Variants in NRXN3 observed in about 807,000 individuals in gnomAD.
NRXN3 encodes neurexin III.
A neutral mutation model predicts 137.6 loss-of-function variants in NRXN3; 32 were observed. The observed-to-expected ratio is 0.23, with a 90% CI of 0.18 to 0.31. NRXN3 has a LOEUF of 0.31. Among genes scored for constraint, NRXN3 ranks in the 10% least tolerant of loss-of-function variants. The pLI, the probability that NRXN3 is intolerant of heterozygous loss-of-function variation, is 1.00. For synonymous variants in NRXN3, 798 were observed against 784.5 expected (o/e 1.02, Z -0.29); for missense variants, 1,574 against 2,062.5 (o/e 0.76, Z 4.59).
chr14:79,050,892 T>C (rs1295976949), intron 15 of NRXN3, among the ~76,000 whole-genome samples: 1 of 152,182 alleles, frequency 6.6e-6, no homozygotes, highest in Non-Finnish European at 1.5e-5. Context: ...AAATAAATAA[T>C]ATGATACAAA....
intron 4 of NRXN3, among the ~76,000 whole-genome samples, chr14:78,589,812 A>G (rs550376060): frequency 1.3e-5 from 2 of 152,290 alleles, no homozygotes; most frequent in South Asian, 2.1e-4. Context: ...CAGGGCTGCC[A>G]AGAGCAGGAG....
intron 1 of NRXN3, among the ~76,000 whole-genome samples, chr14:78,224,798 C>T (rs1462179680): frequency 6.4e-5 from 7 of 109,920 alleles, no homozygotes; most frequent in Non-Finnish European, 9.9e-5. Flanking sequence ...CTCGCTCTGT[C>T]GCCCAGGCTG....
intron 8 of NRXN3, among the ~76,000 whole-genome samples, chr14:78,766,008 G>A (rs970132935): frequency 6.6e-6 from 1 of 152,190 alleles, no homozygotes; most frequent in African/African-American, 2.4e-5. Flanking sequence ...AGGAGATGGT[G>A]TTTATGCAGA....
intron 15 of NRXN3, among the ~76,000 whole-genome samples, chr14:79,001,623 T>C (rs867957550): frequency 6.6e-6 from 1 of 152,200 alleles, no homozygotes; most frequent in Non-Finnish European, 1.5e-5. Context: ...TCCCGAGTCT[T>C]CTTTGGTCAG....
At chr14:78,236,538 C>A (rs754246111) in intron 1 of NRXN3, among the ~76,000 whole-genome samples, 4 of 152,188 alleles carry the variant, frequency 2.6e-5, no homozygotes, top group Non-Finnish European at 5.9e-5. Flanking sequence ...TGAACATTCT[C>A]ATGCATATTT....
At chr14:78,527,415 C>T (rs1394311577) in intron 4 of NRXN3, among the ~76,000 whole-genome samples, 2 of 152,126 alleles carry the variant, frequency 1.3e-5, no homozygotes, top group African/African-American at 4.8e-5. Flanking sequence ...TAAGAGCTCA[C>T]TTGCTACACA....
In NRXN3 at chr14:78,778,984, G is replaced by A. The variant is rs79486654; in HGVS notation, c.2045-24636G>A. 3.5e-3 allele frequency among the ~76,000 whole-genome samples: 534 copies of A among 151,768 alleles called. 17 individuals are homozygous for A. In the East Asian group the frequency reaches 0.059, roughly 17 times the overall value. On this transcript the variant is annotated intron_variant, in intron 8 of 20. Coordinates refer to ENST00000335750, the MANE Select transcript of NRXN3 (RefSeq NM_001330195.2). Reference sequence around the variant, plus strand: ...AAAGTCCAAATATGGATGCTCTGTCGTGGTGAGTCCACTTGTTACAAGGAC... The same window carrying A: ...AAAGTCCAAATATGGATGCTCTGTCATGGTGAGTCCACTTGTTACAAGGAC...
At chr14:78,338,488 T>C (rs2153578856) in intron 4 of NRXN3, among the ~76,000 whole-genome samples, 1 of 152,214 alleles carries the variant, frequency 6.6e-6, no homozygotes, top group East Asian at 1.9e-4. Flanking sequence ...CCTGTAGTTG[T>C]CCCATAGCAA....
At chr14:78,777,626 T>G (rs1041089230) in intron 8 of NRXN3, among the ~76,000 whole-genome samples, 1 of 152,164 alleles carries the variant, frequency 6.6e-6, no homozygotes, top group African/African-American at 2.4e-5. Flanking sequence ...GAAATAATAG[T>G]GATGTTTGTC....
Position 78,391,789 on chromosome 14 carries a change from G to A in NRXN3, c.757+93929G>A, listed in dbSNP as rs79481765. Among the ~76,000 whole-genome samples, 819 of 152,288 alleles carry A rather than the reference G, an allele frequency of 5.4e-3. 5 individuals carry two copies. The highest frequency in any genetic ancestry group is 8.9e-3 in the Non-Finnish European group (602 of 68,010). On this transcript the variant is annotated intron_variant, in intron 4 of 20. Coordinates refer to ENST00000335750, the MANE Select transcript of NRXN3 (RefSeq NM_001330195.2). ...TCTCATATAATCTCAGAATGATATA[G>A]AGAAAAATGTATTGGGTGTTGGCTT... is the stretch of plus-strand genomic sequence containing the variant.
intron 2 of NRXN3, among the ~76,000 whole-genome samples, chr14:78,270,386 C>T (rs113570363): frequency 4.4e-4 from 67 of 152,086 alleles, no homozygotes; most frequent in Non-Finnish European, 7.9e-4. Flanking sequence ...CCTGGTGGGT[C>T]GTGCTGCAGT....
At chr14:78,836,321 G>A (rs189013089) in intron 10 of NRXN3, among the ~76,000 whole-genome samples, 8 of 152,310 alleles carry the variant, frequency 5.3e-5, no homozygotes, top group Admixed American at 4.6e-4. Flanking sequence ...AGCTTTTGCT[G>A]CTGCCTTTAC....
intron 14 of NRXN3, among the ~76,000 whole-genome samples, chr14:78,968,672 A>C (rs1288117842): frequency 6.6e-6 from 1 of 152,226 alleles, no homozygotes; most frequent in African/African-American, 2.4e-5. Flanking sequence ...CTGAAACAGC[A>C]CTGGAGACTT....
rs533713093 is a variant in NRXN3, at chr14:78,881,737, G to C, written c.2275+71393G>C. 1.6e-4 allele frequency among the ~76,000 whole-genome samples: 24 copies of C among 151,832 alleles called. 2 individuals are homozygous for C. Among genetic ancestry groups the C allele is most frequent in the African/African-American group, 5.8e-4 (24 of 41,138 alleles). Reference sequence around the variant, plus strand: ...AATGAGAAGCAGAGCATAAAAGTTTGGAAAATTTGTAGCTTGCTGATGTGC... The same window carrying C: ...AATGAGAAGCAGAGCATAAAAGTTTCGAAAATTTGTAGCTTGCTGATGTGC... On this transcript the variant is annotated intron_variant, in intron 10 of 20. Coordinates refer to ENST00000335750, the MANE Select transcript of NRXN3 (RefSeq NM_001330195.2).
chr14:78,933,574 G>A (rs1290125274), intron 10 of NRXN3, among the ~76,000 whole-genome samples: 1 of 152,132 alleles, frequency 6.6e-6, no homozygotes, highest in Non-Finnish European at 1.5e-5. Context: ...AAACTTGTAT[G>A]TATTTATAGT....
At chr14:79,763,432 G>T (rs2099045689) in intron 19 of NRXN3, among the ~76,000 whole-genome samples, 1 of 70,144 alleles carries the variant, frequency 1.4e-5, no homozygotes, top group South Asian at 4.6e-4. Flanking sequence ...CCCAGTAATG[G>T]GATTGCTGGA....
chr14:79,288,350 A>G (rs1214631366), intron 15 of NRXN3, among the ~76,000 whole-genome samples: 1 of 152,220 alleles, frequency 6.6e-6, no homozygotes, highest in Non-Finnish European at 1.5e-5. Flanking sequence ...CAGGGGGCAG[A>G]CTAGCAACTG....
chr14:79,671,633 G>T (rs2098608364), intron 17 of NRXN3, among the ~76,000 whole-genome samples: 1 of 152,000 alleles, frequency 6.6e-6, no homozygotes, highest in Non-Finnish European at 1.5e-5. Flanking sequence ...GTGGCAAGAA[G>T]GTGCTTAGTA....
chr14:79,182,277 A>C (rs1425489479), intron 15 of NRXN3, among the ~76,000 whole-genome samples: 2 of 150,146 alleles, frequency 1.3e-5, no homozygotes, highest in African/African-American at 4.9e-5. Flanking sequence ...ATTCAAGTAC[A>C]TTACATTTAT....
Sources: gnomAD v4.1 joint callset for allele counts (sites outside exome capture counted in the v4.1 genomes callset) on GRCh38, gnomAD v4.1.1 for gene constraint, MANE v1.5 for transcripts, NCBI Gene and HGNC (gene_info 2026-07-23, HGNC 2026-07-21) for gene names.